Variants in TACC1 observed in about 807,000 individuals in gnomAD.
TACC1 encodes the protein transforming acidic coiled-coil-containing protein 1.
In TACC1, 48 loss-of-function variants were observed where a neutral mutation model predicts 84.4. That is an observed-to-expected ratio of 0.57 (90% CI 0.45 to 0.72). TACC1 has a LOEUF of 0.72. TACC1 is among the 30% of genes least tolerant of loss of function. TACC1 has a pLI of 0.00. For synonymous variants in TACC1, 372 were observed against 376.3 expected (o/e 0.99, Z 0.13); for missense variants, 920 against 973.0 (o/e 0.95, Z 0.72).
At chr8:38,788,907 G>A in intron 2 of TACC1, 88 bp downstream of exon 2, 1 of 1,091,902 alleles carries the variant, frequency 9.2e-7, no homozygotes, top group Non-Finnish European at 1.3e-6. Flanking sequence ...TGTAAATTTA[G>A]GACCATTTAA....
chr8:38,742,408 C>T, exon 2 of TACC1: 1 of 1,522,064 alleles, frequency 6.6e-7, no homozygotes, highest in Non-Finnish European at 8.8e-7. Context: ...CATGTTTACT[C>T]TTCCAAGTAC....
At position 38,838,539 on chromosome 8, in the gene TACC1, G is replaced by C; in HGVS notation, c.1909G>C (p.Glu637Gln). ...CGAAGAGACCCGGCAAGAAGTTTTG[G>C]AGATGAGGTTAGACTGGAGGTTTTG... Reference protein sequence around the residue: ...KYEETRQEVLEMRKIVAEYEK... With the variant: ...KYEETRQEVLQMRKIVAEYEK... The change falls in exon 8 of 13, where the codon GAG (glutamate) becomes CAG (glutamine). Residue 637 changes from glutamate (E) to glutamine (Q), a missense_variant. Glu to Gln is a conservative substitution (Grantham distance 29, BLOSUM62 2). Coordinates refer to ENST00000317827, the MANE Select transcript of TACC1 (RefSeq NM_006283.3). 1 of 1,613,704 alleles carries C rather than the reference G, an allele frequency of 6.2e-7. No homozygotes were observed. The highest frequency in any genetic ancestry group is 1.1e-5 in the South Asian group (1 of 91,052).
chr8:38,842,585 C>A, intron 10 of TACC1, 138 bp downstream of exon 10: 1 of 983,924 alleles, frequency 1.0e-6, no homozygotes, highest in Non-Finnish European at 1.4e-6. Context: ...CTTGTATCCT[C>A]TATTCCAGTG....
At chr8:38,730,851 T>A (rs1293351793) in intron 1 of TACC1, among the ~76,000 whole-genome samples, 1 of 151,972 alleles carries the variant, frequency 6.6e-6, no homozygotes, top group African/African-American at 2.4e-5. Flanking sequence ...ATAAGTGGAG[T>A]TAGAATTCTT....
chr8:38,782,118 C>A (rs2151948443), intron 3 of TACC1, among the ~76,000 whole-genome samples: 1 of 151,792 alleles, frequency 6.6e-6, no homozygotes, highest in East Asian at 1.9e-4. Flanking sequence ...GCGCTGCACC[C>A]ACTAACTCGT....
chr8:38,839,945 A>C, intron 8 of TACC1: 2 of 253,660 alleles, frequency 7.9e-6, no homozygotes, highest in Non-Finnish European at 7.5e-6. Context: ...GCAGTATTCA[A>C]ATAGGTGCAA....
intron 3 of TACC1, among the ~76,000 whole-genome samples, chr8:38,767,270 T>C (rs1491001115): frequency 6.6e-6 from 1 of 152,228 alleles, no homozygotes; most frequent in Non-Finnish European, 1.5e-5. Flanking sequence ...TGTGTATCCA[T>C]TGGCCTCAGA....
chr8:38,834,721 T>C (rs1287187156), intron 6 of TACC1, among the ~76,000 whole-genome samples: 1 of 152,202 alleles, frequency 6.6e-6, no homozygotes. Context: ...ATGCTAAAAT[T>C]CTGTTTCTGA....
intron 3 of TACC1, among the ~76,000 whole-genome samples, chr8:38,772,371 A>G (rs1453006869): frequency 6.6e-6 from 1 of 152,254 alleles, no homozygotes; most frequent in Non-Finnish European, 1.5e-5. Flanking sequence ...CTAAGAAAAG[A>G]TAAGTGTGTG....
chr8:38,740,674 C>T (rs1320649547), intron 1 of TACC1, among the ~76,000 whole-genome samples: 1 of 152,338 alleles, frequency 6.6e-6, no homozygotes, highest in East Asian at 1.9e-4. Flanking sequence ...AGCAAAACAG[C>T]ACTCCCTACT....
intron 2 of TACC1, among the ~76,000 whole-genome samples, chr8:38,810,008 C>T (rs906131272): frequency 2.6e-5 from 4 of 152,116 alleles, no homozygotes; most frequent in Admixed American, 1.3e-4. Context: ...AACTAGGATC[C>T]GCTTCCAACA....
chr8:38,744,873 G>T (rs937169796), intron 2 of TACC1: 4 of 152,056 alleles, frequency 2.6e-5, no homozygotes, highest in African/African-American at 9.7e-5. Context: ...GATAATTCTG[G>T]GTATTATGAC....
At chr8:38,804,838 A>C (rs1217606270) in intron 2 of TACC1, among the ~76,000 whole-genome samples, 1 of 152,150 alleles carries the variant, frequency 6.6e-6, no homozygotes, top group East Asian at 1.9e-4. Flanking sequence ...CCTGGGCCCA[A>C]GTGATCCCCC....
intron 7 of TACC1, 141 bp downstream of exon 7, chr8:38,836,428 A>AG (rs1830248134): frequency 8.5e-7 from 1 of 1,173,006 alleles, no homozygotes; most frequent in Non-Finnish European, 1.2e-6. Context: ...AGGTCGTAAA[A>AG]GGGCCCCCTG....
At chr8:38,834,542 A>G (rs1355939009) in intron 6 of TACC1, among the ~76,000 whole-genome samples, 2 of 152,114 alleles carry the variant, frequency 1.3e-5, no homozygotes, top group Non-Finnish European at 2.9e-5. Flanking sequence ...CCCAAGAGAG[A>G]AAAGAGAGGT....
intron 12 of TACC1, 114 bp from the exon 13 acceptor site, chr8:38,847,841 C>A: frequency 1.3e-6 from 1 of 771,956 alleles, no homozygotes; most frequent in Non-Finnish European, 2.1e-6. Flanking sequence ...AGTTAAAAAT[C>A]ACTGAATTAG....
intron 3 of TACC1, among the ~76,000 whole-genome samples, chr8:38,769,807 T>A (rs754314785): frequency 7.5e-5 from 11 of 147,422 alleles, no homozygotes; most frequent in Non-Finnish European, 1.3e-4. Context: ...TATATGACTG[T>A]GTGTGGTGTG....
In TACC1 at chr8:38,768,461, C is replaced by T. The variant is rs796200424; in HGVS notation, c.27-20243C>T. Among the ~76,000 whole-genome samples, 9 of 152,234 alleles carry T rather than the reference C, an allele frequency of 5.9e-5. No homozygotes were observed. The South Asian group carries it at 6.2e-4, about 11-fold the overall frequency. On this transcript the variant is annotated intron_variant, in intron 3 of 14. Transcript: ENST00000518415. ...TGTGTTGATGGACGGTGTGATGGAA[C>T]GTTCTAGTGCCCTCTGGTGGCTACT... is the stretch of plus-strand genomic sequence containing the variant.
upstream of TACC1, among the ~76,000 whole-genome samples, chr8:38,785,322 A>AT (rs1013784648): frequency 6.6e-6 from 1 of 152,250 alleles, no homozygotes; most frequent in African/African-American, 2.4e-5. Flanking sequence ...GGCAATTTGG[A>AT]TTTTTTTAAG....
Sources: allele counts gnomAD v4.1 joint callset (sites outside exome capture counted in the v4.1 genomes callset), GRCh38; gene constraint gnomAD v4.1.1; transcripts MANE v1.5; gene names NCBI Gene and HGNC (gene_info 2026-07-23, HGNC 2026-07-21).